Variants in PCDHA11 observed in about 807,000 individuals in gnomAD.
PCDHA11 encodes protocadherin alpha-11.
Under a neutral mutation model 70.3 loss-of-function variants are expected in PCDHA11, and 61 were observed. That is an observed-to-expected ratio of 0.87 (90% CI 0.71 to 1.07). The LOEUF (loss-of-function observed/expected upper bound fraction) is 1.07, where lower values mean the gene tolerates loss of function less well. Among genes scored for constraint, PCDHA11 ranks in the 50% least tolerant of loss-of-function variants. PCDHA11 has a pLI of 0.00. For missense variants in PCDHA11, 1,324 were observed against 1,237.5 expected (o/e 1.07, Z -1.05); for synonymous variants, 633 against 555.1 (o/e 1.14, Z -1.97).
intron 1 of PCDHA11, among the ~76,000 whole-genome samples, chr5:140,895,100 T>G (rs1306041919): frequency 2.0e-5 from 3 of 152,190 alleles, no homozygotes; most frequent in African/African-American, 7.2e-5. Context: ...TAGGGGTTTT[T>G]GCTACAAGAA....
At chr5:140,984,704 G>A (rs2097116148) in intron 3 of PCDHA11, among the ~76,000 whole-genome samples, 1 of 152,032 alleles carries the variant, frequency 6.6e-6, no homozygotes, top group Non-Finnish European at 1.5e-5. Flanking sequence ...CTGCTTGGAG[G>A]GAATATGGCA....
At chr5:140,881,382 C>T (rs1312033271) in intron 1 of PCDHA11, 2 of 983,994 alleles carry the variant, frequency 2.0e-6, no homozygotes, top group Non-Finnish European at 2.4e-6. Flanking sequence ...CAGCCGGCGG[C>T]GGTAAGTTAA....
chr5:140,982,985 A>C (rs2097019022), intron 3 of PCDHA11, among the ~76,000 whole-genome samples: 1 of 152,162 alleles, frequency 6.6e-6, no homozygotes, highest in Non-Finnish European at 1.5e-5. Flanking sequence ...AAAGAAAGAG[A>C]AAAAGAAGGA....
chr5:140,955,696 A>G (rs373393526), intron 1 of PCDHA11, among the ~76,000 whole-genome samples: 6 of 152,184 alleles, frequency 3.9e-5, no homozygotes, highest in East Asian at 1.9e-4. Flanking sequence ...GATGAATGTC[A>G]ATGGAAGTTT....
chr5:140,883,352 G>T (rs1554177776), intron 1 of PCDHA11: 1 of 1,614,164 alleles, frequency 6.2e-7, no homozygotes, highest in South Asian at 1.1e-5. Flanking sequence ...CATCAGAGAA[G>T]ACACTCAGCC....
intron 1 of PCDHA11, among the ~76,000 whole-genome samples, chr5:140,898,461 G>T (rs1393934497): frequency 4.6e-5 from 7 of 152,102 alleles, no homozygotes; most frequent in Non-Finnish European, 8.8e-5. Flanking sequence ...TTTCCCCATT[G>T]CTTGTTTTTC....
At chr5:140,980,447 C>T (rs952861849) in intron 2 of PCDHA11, among the ~76,000 whole-genome samples, 4 of 152,036 alleles carry the variant, frequency 2.6e-5, no homozygotes, top group Admixed American at 6.6e-5. Context: ...CTGGACAACA[C>T]GGTGAAACCC....
intron 1 of PCDHA11, chr5:140,884,259 C>T (rs1554181391): frequency 1.9e-6 from 3 of 1,613,378 alleles, no homozygotes; most frequent in Admixed American, 1.7e-5. Flanking sequence ...GCCACGGCAA[C>T]GGTGCTGTTG....
rs375103611 is a variant in PCDHA11 at position 140,888,367 on chromosome 5, A to G, written c.2391+16873A>G. ...AGGGAATTGCTACTGGCATCTAATAATGGAGCTCTGAGATGCTGCTAAACA... is the reference window on the plus strand; with the variant it reads ...AGGGAATTGCTACTGGCATCTAATAGTGGAGCTCTGAGATGCTGCTAAACA... On this transcript the variant is annotated intron_variant, in intron 1 of 3. Coordinates refer to ENST00000398640, the MANE Select transcript of PCDHA11 (RefSeq NM_018902.5). 3.2e-4 allele frequency among the ~76,000 whole-genome samples: 49 copies of G among 152,322 alleles called. 1 individual carries two copies. In the East Asian group the frequency reaches 7.7e-3, roughly 24 times the overall value.
At chr5:140,875,953 G>T (rs782793293) in intron 1 of PCDHA11, 1 of 1,614,066 alleles carries the variant, frequency 6.2e-7, no homozygotes, top group African/African-American at 1.3e-5. Context: ...TTCTGATGCG[G>T]ATATCGGCGT....
At chr5:140,973,768 A>G (rs1408539146) in intron 1 of PCDHA11, among the ~76,000 whole-genome samples, 3 of 152,258 alleles carry the variant, frequency 2.0e-5, no homozygotes, top group African/African-American at 7.2e-5. Flanking sequence ...ACAGCCTGGC[A>G]TATTATAGGT....
At chr5:140,971,322 A>G (rs1344853773) in intron 1 of PCDHA11, among the ~76,000 whole-genome samples, 6 of 152,224 alleles carry the variant, frequency 3.9e-5, no homozygotes, top group Admixed American at 3.9e-4. Context: ...TCTAGGGAGA[A>G]AATTATTTCA....
At chr5:140,877,995 T>A in intron 1 of PCDHA11, 1 of 1,054,404 alleles carries the variant, frequency 9.5e-7, no homozygotes. Context: ...AACTTTTATG[T>A]ATTTGTCTAA....
At chr5:140,892,236 C>T (rs1490048562) in intron 1 of PCDHA11, among the ~76,000 whole-genome samples, 3 of 152,140 alleles carry the variant, frequency 2.0e-5, no homozygotes, top group African/African-American at 7.2e-5. Context: ...TTTGTCTCCA[C>T]ATAAACCTGG....
chr5:140,938,166 G>A (rs2091953104), intron 1 of PCDHA11, among the ~76,000 whole-genome samples: 2 of 151,980 alleles, frequency 1.3e-5, no homozygotes, highest in South Asian at 4.1e-4. Flanking sequence ...GGCTAGTCTG[G>A]AGCTCCTGGG....
intron 1 of PCDHA11, among the ~76,000 whole-genome samples, chr5:140,920,824 C>T (rs537294471): frequency 3.4e-5 from 5 of 145,004 alleles, no homozygotes; most frequent in Admixed American, 1.4e-4. Context: ...AGCCTGGCGA[C>T]GGAGCAAGAC....
chr5:141,010,869 A>T lies in PCDHA11; in HGVS notation c.*932A>T, dbSNP rs1434984330. The T allele has an allele frequency of 1.3e-5, 2 of 153,786 alleles. No individual in the cohort carries two copies. Among genetic ancestry groups the T allele is most frequent in the African/African-American group, 4.8e-5 (2 of 41,464 alleles). The allele number at this position is 153,786 out of a possible 1,614,324, so 9.5% of individuals were successfully genotyped here. On this transcript the variant is annotated 3_prime_UTR_variant, in exon 4 of 4. Coordinates refer to ENST00000398640, the MANE Select transcript of PCDHA11 (RefSeq NM_018902.5). Reference sequence around the variant, plus strand: ...AAAAAAAGAGAAAGTCTATAGCTATAAATCTTTAAAGAGAAATATGAATAC... The same window carrying T: ...AAAAAAAGAGAAAGTCTATAGCTATTAATCTTTAAAGAGAAATATGAATAC...
chr5:140,882,897 T>A, intron 1 of PCDHA11: 1 of 1,614,220 alleles, frequency 6.2e-7, no homozygotes, highest in South Asian at 1.1e-5. Context: ...GAACATAGTT[T>A]ATTACTGACA....
At chr5:140,976,724 T>C (rs372662527) in intron 1 of PCDHA11, among the ~76,000 whole-genome samples, 6 of 152,202 alleles carry the variant, frequency 3.9e-5, no homozygotes, top group African/African-American at 1.4e-4. Flanking sequence ...AGTTCATTTA[T>C]TTAAACACAT....
Sources: gnomAD v4.1 joint callset for allele counts (sites outside exome capture counted in the v4.1 genomes callset) on GRCh38, gnomAD v4.1.1 for gene constraint, MANE v1.5 for transcripts, NCBI Gene and HGNC (gene_info 2026-07-23, HGNC 2026-07-21) for gene names.